PARP3: variants seen among roughly 807,000 people sequenced by gnomAD.
PARP3 encodes poly(ADP-ribose) polymerase family member 3.
Under a neutral mutation model 58.2 loss-of-function variants are expected in PARP3, and 46 were observed. The ratio of observed to expected loss-of-function variants is 0.79; its 90% CI spans 0.62 to 1.01. The LOEUF is 1.01. Among genes scored for constraint, PARP3 ranks in the 50% least tolerant of loss-of-function variants. The pLI, the probability that PARP3 is intolerant of heterozygous loss-of-function variation, is 0.00. For synonymous variants in PARP3, 252 were observed against 266.4 expected (o/e 0.95, Z 0.53); for missense variants, 663 against 683.9 (o/e 0.97, Z 0.34).
rs1699662130 is a variant in PARP3, at chr3:51,945,745, C to T, written c.1011+101C>T. ...GAGGAATACTCGCCCTCAGCCTTCT[C>T]TTCCTGTGTCTCCAGGGCCTGAGGA... On this transcript the variant is annotated intron_variant, in intron 7 of 10. Coordinates refer to ENST00000398755, the MANE Select transcript of PARP3 (RefSeq NM_001003931.4). 3.3e-6 allele frequency: 5 copies of T among 1,526,802 alleles called. No homozygotes were observed. In the East Asian group the frequency reaches 9.0e-5, roughly 28 times the overall value. 94.6% of individuals were successfully genotyped at this position (1,526,802 alleles called of 1,614,324 possible).
intron 9 of PARP3, 64 bp from the exon 10 acceptor site, chr3:51,947,676 G>A: frequency 2.5e-6 from 4 of 1,583,546 alleles, no homozygotes; most frequent in Non-Finnish European, 3.5e-6. Flanking sequence ...GCAGCAGAGA[G>A]GGGCCCCACA....
intron 1 of PARP3, 140 bp downstream of exon 1, chr3:51,942,848 A>G: frequency 6.9e-7 from 1 of 1,451,454 alleles, no homozygotes; most frequent in East Asian, 2.5e-5. Context: ...GGGCTTCTAC[A>G]GCTCTGGGTT....
intron 6 of PARP3, 43 bp from the exon 7 acceptor site, chr3:51,945,452 G>A (rs1176493290): frequency 6.3e-7 from 1 of 1,599,580 alleles, no homozygotes; most frequent in Admixed American, 1.7e-5. Flanking sequence ...GGGGAGGCCA[G>A]AGGTCAAGTG....
intron 9 of PARP3, 187 bp from the exon 10 acceptor site, chr3:51,947,553 C>A: frequency 1.6e-6 from 1 of 632,280 alleles, no homozygotes; most frequent in Non-Finnish European, 2.8e-6. Context: ...AGATGCCTGG[C>A]CATAGGGAGC....
rs1194577418 is a variant in PARP3, at chr3:51,944,248, C to T, written c.312+31C>T. On this transcript the variant is annotated intron_variant, in intron 3 of 10. Transcript: ENST00000398755. The surrounding 1 kb of genome is among the most constrained non-coding windows in gnomAD (Gnocchi z 4.2). ...TGCCCTGCCTGCTCTGCACATACTC[C>T]CCAGGGTCCTCAAAAGGCCACAGCT... The T allele has an allele frequency of 1.9e-6, 3 of 1,613,202 alleles. No homozygotes were observed. The highest frequency in any genetic ancestry group is 1.3e-5 in the African/African-American group (1 of 74,916).
At chr3:51,943,953 C>T (rs559221500) in intron 2 of PARP3, 136 bp from the exon 3 acceptor site, 5 of 760,130 alleles carry the variant, frequency 6.6e-6, no homozygotes, top group African/African-American at 1.7e-5. Context: ...GCAGTGACCC[C>T]CCCAAGCTTC....
chr3:51,948,463 C>T lies in PARP3; in HGVS notation c.1585C>T (p.Leu529=). ...QESQCRLRYL[L]EVHL Reference sequence around the variant, plus strand: ...GAGCCAGTGTCGCCTGCGCTACCTGCTGGAGGTCCACCTCTGAGTGCCCGC... The same window carrying T: ...GAGCCAGTGTCGCCTGCGCTACCTGTTGGAGGTCCACCTCTGAGTGCCCGC... Residue 529 remains leucine, a synonymous_variant, in exon 11 of 11, where the codon CTG becomes TTG. Coordinates refer to ENST00000398755, the MANE Select transcript of PARP3 (RefSeq NM_001003931.4). 1 of 1,614,036 alleles carries T rather than the reference C, an allele frequency of 6.2e-7. No homozygotes were observed. The highest frequency in any genetic ancestry group is 8.5e-7 in the Non-Finnish European group (1 of 1,179,902).
chr3:51,944,940 G>T lies in PARP3; in HGVS notation c.634+30G>T. The T allele has an allele frequency of 6.2e-7, 1 of 1,613,080 alleles. No individual in the cohort carries two copies. The highest frequency in any genetic ancestry group is 8.5e-7 in the Non-Finnish European group (1 of 1,179,668). On this transcript the variant is annotated intron_variant, in intron 5 of 10. Coordinates refer to ENST00000398755, the MANE Select transcript of PARP3 (RefSeq NM_001003931.4). This position sits in a 1 kb window ranked among gnomAD's most constrained non-coding sequence, Gnocchi z 4.2. ...GGGGTGAGAGGCAGGCAGGGTGGCA[G>T]GGGCCTCAGGGTGGCAGGGCTGTGG... is the stretch of plus-strand genomic sequence containing the variant.
chr3:51,945,709 CG>C, intron 7 of PARP3, 65 bp downstream of exon 7: 2 of 1,577,932 alleles, frequency 1.3e-6, no homozygotes, highest in East Asian at 4.5e-5. Flanking sequence ...CACCTGCCCT[CG>C]AGGTGCCCAG....
rs1432337372 is a variant in PARP3, at chr3:51,948,371, A to G, written c.1493A>G (p.Gln498Arg). The change falls in exon 11 of 11, where the codon CAG becomes CGG. Residue 498 changes from glutamine (Q) to arginine (R), a missense_variant. Around this residue, in one of 3 missense-constraint regions of PARP3, gnomAD observed 88 missense variants for 109.1 expected, o/e 0.81. Transcript: ENST00000398755. ...CAGCAAGTGGTGGTGCCCCAGGGCC[A>G]GCCTGTGCCCTGCCCAGAGTTCAGC... Reference protein sequence around the residue: ...DGQQVVVPQGQPVPCPEFSSS... With the variant: ...DGQQVVVPQGRPVPCPEFSSS... 1 of 1,614,024 alleles carries G rather than the reference A, an allele frequency of 6.2e-7. No individual in the cohort carries two copies. The highest frequency in any genetic ancestry group is 1.7e-5 in the Admixed American group (1 of 60,016).
At chr3:51,943,329 A>C (rs1699587272) in intron 1 of PARP3, 25 bp from the exon 2 acceptor site, 2 of 1,539,906 alleles carry the variant, frequency 1.3e-6, no homozygotes, top group African/African-American at 2.8e-5. Flanking sequence ...TGGAGGCCTA[A>C]GGGCCTCTCT....
At position 51,944,029 on chromosome 3, in the gene PARP3, T is replaced by G; in HGVS notation, c.184-60T>G. 2 of 1,548,960 alleles carry G rather than the reference T, an allele frequency of 1.3e-6. No homozygotes were observed. Among genetic ancestry groups the G allele is most frequent in the Non-Finnish European group, 8.8e-7 (1 of 1,138,070 alleles). ...TGTCCCCATCAGAGCCCTCTCGGTG[T>G]ACGGCCAGGCACCCCATCTGACCCC... On this transcript the variant is annotated intron_variant, in intron 2 of 10. Transcript: ENST00000398755. This position sits in a 1 kb window ranked among gnomAD's most constrained non-coding sequence, Gnocchi z 4.2.
In PARP3 at chr3:51,945,152, C is replaced by T; in HGVS notation, c.789C>T (p.His263=). Reference sequence around the variant, plus strand: ...CACACTTTTACACCGTCATCCCGCACAACTTCGGCCACAGCCAGCCCCCGC... The same window carrying T: ...CACACTTTTACACCGTCATCCCGCATAACTTCGGCCACAGCCAGCCCCCGC... The part of the protein sequence containing the change: ...LSSHFYTVIP[H]NFGHSQPPPI... The change falls in exon 6 of 11, where the codon CAC becomes CAT. Residue 263 remains histidine, a synonymous_variant. Transcript: ENST00000398755. 6.2e-7 allele frequency: 1 copy of T among 1,614,078 alleles called. No homozygotes were observed. Among genetic ancestry groups the T allele is most frequent in the Non-Finnish European group, 8.5e-7 (1 of 1,180,048 alleles).
At position 51,942,416 on chromosome 3, in the gene PARP3, C is replaced by A; in HGVS notation, c.-295C>A. ...GGCCCCGGCCACATGAGCAGCGCTA[C>A]GGACGCGACTGCCCCGGCCTTGGAT... On this transcript the variant is annotated 5_prime_UTR_variant, in exon 1 of 11. Transcript: ENST00000398755. 1.7e-6 allele frequency: 1 copy of A among 573,674 alleles called. No individual in the cohort carries two copies. The highest frequency in any genetic ancestry group is 3.2e-6 in the Non-Finnish European group (1 of 317,030). The allele number at this position is 573,674 out of a possible 1,614,324, so 35.5% of individuals were successfully genotyped here.
Position 51,944,043 on chromosome 3 carries a change from C to T in PARP3, c.184-46C>T. On this transcript the variant is annotated intron_variant, in intron 2 of 10. Coordinates refer to ENST00000398755, the MANE Select transcript of PARP3 (RefSeq NM_001003931.4). This position sits in a 1 kb window ranked among gnomAD's most constrained non-coding sequence, Gnocchi z 4.2. ...CCCTCTCGGTGTACGGCCAGGCACC[C>T]CATCTGACCCCAGCCAGCCTGCCCC... The T allele has an allele frequency of 1.3e-6, 2 of 1,591,056 alleles. No homozygotes were observed. Among genetic ancestry groups the T allele is most frequent in the South Asian group, 1.1e-5 (1 of 89,208 alleles).
In PARP3 at chr3:51,942,725, C is replaced by G; in HGVS notation, c.-3+17C>G. On this transcript the variant is annotated intron_variant, in intron 1 of 10. Coordinates refer to ENST00000398755, the MANE Select transcript of PARP3 (RefSeq NM_001003931.4). ...TTTTCTTGGGTGAGTGTCCTATGGT[C>G]CTGCCCACGGCAGGGCAGGGCAAGG... The G allele has an allele frequency of 6.4e-7, 1 of 1,556,136 alleles. No homozygotes were observed. The highest frequency in any genetic ancestry group is 2.4e-5 in the East Asian group (1 of 41,428).
At position 51,944,713 on chromosome 3, in the gene PARP3, C is replaced by T. The variant is rs1699629886; in HGVS notation, c.502-65C>T. ...GAACTCCCCTCTGGCCTCAGGCTGG[C>T]TGGTCTCTGTCTGGTGTCACGCCCT... is the stretch of plus-strand genomic sequence containing the variant. On this transcript the variant is annotated intron_variant, in intron 4 of 10. Coordinates refer to ENST00000398755, the MANE Select transcript of PARP3 (RefSeq NM_001003931.4). This position sits in a 1 kb window ranked among gnomAD's most constrained non-coding sequence, Gnocchi z 4.2. The T allele has an allele frequency of 3.8e-6, 6 of 1,573,778 alleles. No homozygotes were observed. Among genetic ancestry groups the T allele is most frequent in the Admixed American group, 1.8e-5 (1 of 55,194 alleles).
chr3:51,944,603 A>G lies in PARP3; in HGVS notation c.501+25A>G, dbSNP rs188494739. ...GGTGAGATGGCCAAGGAAGGTGGGC[A>G]GGCCCTGGACTGAGGGAGGGGACTC... On this transcript the variant is annotated intron_variant, in intron 4 of 10. Transcript: ENST00000398755. This position sits in a 1 kb window ranked among gnomAD's most constrained non-coding sequence, Gnocchi z 4.2. 3.3e-4 allele frequency: 529 copies of G among 1,612,528 alleles called. 5 individuals carry two copies. In the East Asian group the frequency reaches 5.9e-3, roughly 18 times the overall value.
In PARP3 at chr3:51,944,164, C is replaced by CT; in HGVS notation, c.260dup (p.Leu88AlafsTer39). On this transcript the variant is annotated frameshift_variant, in exon 3 of 11. Coordinates refer to ENST00000398755, the MANE Select transcript of PARP3 (RefSeq NM_001003931.4). LOFTEE classifies it high-confidence loss of function. The surrounding 1 kb of genome is among the most constrained non-coding windows in gnomAD (Gnocchi z 4.2). Reference sequence around the variant, plus strand: ...CAACAACAAGTTCTACATCATCCAGCTGCTCCAAGACAGCAACCGCTTCTT... The same window carrying CT: ...CAACAACAAGTTCTACATCATCCAGCTTGCTCCAAGACAGCAACCGCTTCTT... 1 of 1,614,042 alleles carries CT rather than the reference C, an allele frequency of 6.2e-7. No individual in the cohort carries two copies. The highest frequency in any genetic ancestry group is 8.5e-7 in the Non-Finnish European group (1 of 1,179,958).
Sources: gnomAD v4.1 joint callset for allele counts on GRCh38, gnomAD v4.1.1 for gene constraint, gnomAD v4.1.1 regional missense constraint, Gnocchi (gnomAD v3.1) non-coding constraint, MANE v1.5 for transcripts, NCBI Gene and HGNC (gene_info 2026-07-23, HGNC 2026-07-21) for gene names.